Variants in YARS1 observed in about 807,000 individuals in gnomAD.
The protein encoded by YARS1 is tyrosine--tRNA ligase, cytoplasmic.
In YARS1, 36 loss-of-function variants were observed where a neutral mutation model predicts 62.2. The ratio of observed to expected loss-of-function variants is 0.58; its 90% CI spans 0.44 to 0.76. The LOEUF (loss-of-function observed/expected upper bound fraction) is 0.76. YARS1 is among the 30% of genes least tolerant of loss of function. The pLI is 0.00. For synonymous variants in YARS1, 234 were observed against 244.9 expected (o/e 0.96, Z 0.42); for missense variants, 524 against 639.8 (o/e 0.82, Z 1.95).
Position 32,780,206 on chromosome 1 carries a change from C to T in YARS1, c.1213G>A (p.Gly405Ser), listed in dbSNP as rs1246131981. 9 of 1,614,168 alleles carry T rather than the reference C, an allele frequency of 5.6e-6. No individual in the cohort carries two copies. The highest frequency in any genetic ancestry group is 3.3e-5 in the Admixed American group (2 of 60,008). The change falls in exon 11 of 13, where the codon GGC (glycine) becomes AGC (serine). Residue 405 changes from glycine (G) to serine (S), a missense_variant. Physicochemically the swap from Gly to Ser is moderately conservative, Grantham distance 56. Coordinates refer to ENST00000373477, the MANE Select transcript of YARS1 (RefSeq NM_003680.4). ...TCCTTGGGCACGAACTGTACCAGGC[C>T]GCTCACCACAGTCCGTGGTTCAGCT... Reference protein sequence around the residue: ...GEAEPRTVVSGLVQFVPKEEL... With the variant: ...GEAEPRTVVSSLVQFVPKEEL...
rs1367841786 is a variant in YARS1 at position 32,780,172 on chromosome 1, T to G, written c.1247A>C (p.Gln416Pro). The G allele has an allele frequency of 4.3e-6, 7 of 1,614,198 alleles. No homozygotes were observed. The highest frequency in any genetic ancestry group is 5.9e-6 in the Non-Finnish European group (7 of 1,180,028). ...LVQFVPKEEL[Q>P]DRLVVVLCNL... Reference sequence around the variant, plus strand: ...GCACAGCACCACTACCAGCCTGTCCTGCAGTTCCTCCTTGGGCACGAACTG... The same window carrying G: ...GCACAGCACCACTACCAGCCTGTCCGGCAGTTCCTCCTTGGGCACGAACTG... Residue 416 changes from glutamine (Q) to proline (P), a missense_variant, in exon 11 of 13, where the codon CAG (glutamine) becomes CCG (proline). Coordinates refer to ENST00000373477, the MANE Select transcript of YARS1 (RefSeq NM_003680.4).
intron 1 of YARS1, 24 bp downstream of exon 1, chr1:32,817,164 G>A (rs200678617): frequency 6.2e-7 from 1 of 1,613,870 alleles, no homozygotes; most frequent in Non-Finnish European, 8.5e-7. Flanking sequence ...CCCCAACGGC[G>A]CATTTCCAAC....
intron 1 of YARS1, among the ~76,000 whole-genome samples, chr1:32,815,589 T>A (rs962041329): frequency 6.6e-6 from 1 of 152,150 alleles, no homozygotes; most frequent in African/African-American, 2.4e-5. Context: ...CATTCAACCA[T>A]AAAAAGGAAT....
chr1:32,809,672 T>TGA (rs1408666426), intron 3 of YARS1, among the ~76,000 whole-genome samples: 1 of 152,224 alleles, frequency 6.6e-6, no homozygotes, highest in African/African-American at 2.4e-5. Flanking sequence ...ACTTACTAGA[T>TGA]GTATAAACTC....
At chr1:32,786,540 T>A in intron 7 of YARS1, 93 bp from the exon 8 acceptor site, 1 of 1,167,972 alleles carries the variant, frequency 8.6e-7, no homozygotes, top group Non-Finnish European at 1.3e-6. Context: ...TGACTATTTG[T>A]AGTTTTTGCC....
intron 6 of YARS1, among the ~76,000 whole-genome samples, chr1:32,788,072 C>T (rs910200997): frequency 2.0e-5 from 3 of 152,206 alleles, no homozygotes; most frequent in Admixed American, 1.3e-4. Context: ...CATGCCACTA[C>T]ACTCCAGCCT....
chr1:32,777,365 C>A (rs1652902276), intron 12 of YARS1, among the ~76,000 whole-genome samples: 1 of 151,932 alleles, frequency 6.6e-6, no homozygotes, highest in East Asian at 2.0e-4. Context: ...GTAATCCCAG[C>A]ACTTTGGGAG....
chr1:32,795,848 G>C (rs1164404563), intron 5 of YARS1, among the ~76,000 whole-genome samples: 3 of 150,294 alleles, frequency 2.0e-5, no homozygotes, highest in Non-Finnish European at 3.0e-5. Context: ...GGCCACATAT[G>C]CTCTTTACTG....
chr1:32,786,886 GC>G, intron 7 of YARS1, 53 bp downstream of exon 7: 1 of 1,611,826 alleles, frequency 6.2e-7, no homozygotes, highest in Non-Finnish European at 8.5e-7. Context: ...TATGATCACA[GC>G]ACGAACTTTT....
intron 9 of YARS1, chr1:32,782,077 T>C (rs1161495334): frequency 1.5e-5 from 5 of 337,242 alleles, no homozygotes; most frequent in Non-Finnish European, 2.8e-5. Flanking sequence ...AGTGTTAAGA[T>C]TACAGGTGTG....
intron 12 of YARS1, among the ~76,000 whole-genome samples, chr1:32,777,203 AT>A (rs1383482108): frequency 6.6e-6 from 1 of 151,794 alleles, no homozygotes; most frequent in Admixed American, 6.5e-5. Flanking sequence ...CTAATTTTGT[AT>A]TTTTAGTAGA....
At position 32,811,020 on chromosome 1, in the gene YARS1, T is replaced by C. The variant is rs1638572714; in HGVS notation, c.95A>G (p.Lys32Arg). Residue 32 changes from lysine (K) to arginine (R), a missense_variant, in exon 2 of 13, where the codon AAG becomes AGG. Transcript: ENST00000373477. ...CCAGTAAATTTTAAGTTCCCGCTCC[T>C]TCAGTATCTCCTTCAGCTTCTCTTC... is the stretch of plus-strand genomic sequence containing the variant. ...LGEEKLKEIL[K>R]ERELKIYWGT... 6.2e-7 allele frequency: 1 copy of C among 1,614,162 alleles called. No individual in the cohort carries two copies. Among genetic ancestry groups the C allele is most frequent in the Non-Finnish European group, 8.5e-7 (1 of 1,180,028 alleles).
intron 8 of YARS1, among the ~76,000 whole-genome samples, chr1:32,785,582 C>T (rs1475795770): frequency 6.6e-6 from 1 of 151,606 alleles, no homozygotes; most frequent in Non-Finnish European, 1.5e-5. Flanking sequence ...TTTTCTTTTC[C>T]TTTCTTTTTT....
chr1:32,814,808 T>C (rs1638663364), intron 1 of YARS1, among the ~76,000 whole-genome samples: 1 of 152,240 alleles, frequency 6.6e-6, no homozygotes, highest in African/African-American at 2.4e-5. Context: ...TATGACAGTA[T>C]TGGAAAAATT....
chr1:32,779,902 TA>T, intron 11 of YARS1, 182 bp downstream of exon 11: 1 of 707,602 alleles, frequency 1.4e-6, no homozygotes, highest in Non-Finnish European at 2.4e-6. Flanking sequence ...TAACTGTAGG[TA>T]AAATGCTTCA....
intron 1 of YARS1, among the ~76,000 whole-genome samples, chr1:32,814,432 C>T (rs1056597032): frequency 6.6e-6 from 1 of 152,088 alleles, no homozygotes; most frequent in East Asian, 1.9e-4. Context: ...GCTCTGTCAC[C>T]CAAGCTGGAG....
At chr1:32,816,980 G>C in intron 1 of YARS1, 2 of 642,700 alleles carry the variant, frequency 3.1e-6, no homozygotes, top group East Asian at 2.7e-5. Flanking sequence ...CTGGACGCAA[G>C]AGGTGAGCCC....
chr1:32,817,350 G>C lies in YARS1; in HGVS notation c.-106C>G. The C allele has an allele frequency of 2.1e-6, 3 of 1,447,786 alleles. No homozygotes were observed. In the Admixed American group the frequency reaches 5.2e-5, roughly 25 times the overall value. The allele number at this position is 1,447,786 out of a possible 1,614,324, so 89.7% of individuals were successfully genotyped here. ...ACTGTCACGCGAGTCCAGCCAGGTT[G>C]CATCAGCTGGGCTCGGCGCTCCGCT... On this transcript the variant is annotated 5_prime_UTR_variant, in exon 1 of 13. Coordinates refer to ENST00000373477, the MANE Select transcript of YARS1 (RefSeq NM_003680.4).
Position 32,779,446 on chromosome 1 carries a change from C to T in YARS1, c.1412G>A (p.Gly471Asp), listed in dbSNP as rs1334618381. The T allele has an allele frequency of 2.5e-6, 4 of 1,614,010 alleles. No individual in the cohort carries two copies. Among genetic ancestry groups the T allele is most frequent in the African/African-American group, 1.3e-5 (1 of 74,942 alleles). Reference protein sequence around the residue: ...SAPGEHVFVKGYEKGQPDEEL... With the variant: ...SAPGEHVFVKDYEKGQPDEEL... ...CTCATCTGGTTGGCCCTTTTCATAG[C>T]CCTTCACAAACACGTGCTCACCAGG... The change falls in exon 12 of 13, where the codon GGC (glycine) becomes GAC (aspartate). Residue 471 changes from glycine (G) to aspartate (D), a missense_variant. By Grantham distance (94) the Gly-to-Asp change is moderately conservative (BLOSUM62 -1). Transcript: ENST00000373477.
Sources: allele counts gnomAD v4.1 joint callset (sites outside exome capture counted in the v4.1 genomes callset), GRCh38; gene constraint gnomAD v4.1.1; transcripts MANE v1.5; gene names NCBI Gene and HGNC (gene_info 2026-07-23, HGNC 2026-07-21).